Variants in ADH1B observed in about 807,000 individuals in gnomAD.
ADH1B encodes alcohol dehydrogenase 1B (class I), beta polypeptide.
ADH1B carries 29 observed loss-of-function variants against 34.6 expected under a neutral mutation model. The ratio of observed to expected loss-of-function variants is 0.84; its 90% confidence interval spans 0.62 to 1.14. The LOEUF (loss-of-function observed/expected upper bound fraction) is 1.14, where lower values mean the gene tolerates loss of function less well. Among genes scored for constraint, ADH1B ranks in the 50% most tolerant of loss-of-function variants. ADH1B has a pLI of 0.00. For synonymous variants in ADH1B, 170 were observed against 175.5 expected (o/e 0.97, Z 0.25); for missense variants, 424 against 468.4 (o/e 0.91, Z 0.87).
rs1579517595 is a variant in ADH1B at position 99,321,398 on chromosome 4, G to A, written c.-67C>T. 3.5e-6 allele frequency: 5 copies of A among 1,449,054 alleles called. No homozygotes were observed. The East Asian group carries it at 1.2e-4, about 33-fold the overall frequency. 89.8% of individuals were successfully genotyped at this position (1,449,054 alleles called of 1,614,324 possible). ...TTGTGGATTTCTTCTCTGCTTGAGT[G>A]CATAAAGCAGATATATTGCACAGAT... On this transcript the variant is annotated 5_prime_UTR_variant, in exon 1 of 9. Transcript: ENST00000305046.
chr4:99,312,828 T>A (rs1733785968), intron 6 of ADH1B, among the ~76,000 whole-genome samples: 1 of 151,764 alleles, frequency 6.6e-6, no homozygotes, highest in African/African-American at 2.4e-5. Context: ...ACTTCAGCCT[T>A]GGTGACAGAG....
Position 99,307,686 on chromosome 4 carries a change from C to A in ADH1B, c.*154G>T. The A allele has an allele frequency of 1.1e-6, 1 of 907,300 alleles. No individual in the cohort carries two copies. The highest frequency in any genetic ancestry group is 1.7e-6 in the Non-Finnish European group (1 of 589,952). The allele number at this position is 907,300 out of a possible 1,614,324, so 56.2% of individuals were successfully genotyped here. A position where few individuals can be genotyped will look rare whatever the true frequency, so the allele number is the denominator to read the frequency against. On this transcript the variant is annotated 3_prime_UTR_variant, in exon 9 of 9. Coordinates refer to ENST00000305046, the MANE Select transcript of ADH1B (RefSeq NM_000668.6). ...TTTAAATTTTCCTGAAAAATAATTT[C>A]CCATCAATTTCCATTTCTTTGGAAA...
intron 7 of ADH1B, 119 bp from the exon 8 acceptor site, chr4:99,311,022 G>A: frequency 8.1e-7 from 1 of 1,228,332 alleles, no homozygotes; most frequent in Non-Finnish European, 1.2e-6. Context: ...TGCTATAACT[G>A]AGGATAAGAA....
intron 6 of ADH1B, 78 bp downstream of exon 6, chr4:99,313,743 T>G (rs780464594): frequency 1.8e-4 from 292 of 1,610,382 alleles, no homozygotes; most frequent in Non-Finnish European, 2.4e-4. Context: ...CCTTTATACA[T>G]AAAACATATA....
At chr4:99,315,121 T>G (rs959786918) in intron 5 of ADH1B, 3 of 152,158 alleles carry the variant, frequency 2.0e-5, no homozygotes, top group Non-Finnish European at 2.9e-5. Flanking sequence ...CAGCAGGAGA[T>G]TTGAAAAAGA....
chr4:99,307,677 A>G lies in ADH1B; in HGVS notation c.*163T>C, dbSNP rs1393559455. ...CACTTGAATTTTAAATTTTCCTGAA[A>G]AATAATTTCCCATCAATTTCCATTT... On this transcript the variant is annotated 3_prime_UTR_variant, in exon 9 of 9. Transcript: ENST00000305046. 1.1e-6 allele frequency: 1 copy of G among 891,478 alleles called. No homozygotes were observed. The highest frequency in any genetic ancestry group is 1.7e-6 in the Non-Finnish European group (1 of 577,634). 55.2% of individuals were successfully genotyped at this position (891,478 alleles called of 1,614,324 possible).
intron 7 of ADH1B, 38 bp from the exon 8 acceptor site, chr4:99,310,941 G>C (rs1398477511): frequency 1.3e-6 from 2 of 1,596,260 alleles, no homozygotes; most frequent in Non-Finnish European, 1.7e-6. Context: ...ATTCAGCTAG[G>C]GTAAGTAGGA....
At chr4:99,307,940 C>A in intron 8 of ADH1B, 76 bp from the exon 9 acceptor site, 2 of 1,585,080 alleles carry the variant, frequency 1.3e-6, no homozygotes, top group Non-Finnish European at 1.7e-6. Flanking sequence ...CAAGGAGCAT[C>A]TGAGGTGTCT....
chr4:99,311,638 A>C lies in ADH1B; in HGVS notation c.847T>G (p.Cys283Gly), dbSNP rs1203694941. ...ACGCTTGTGCCACATGCCTCATGAC[A>C]ACATAACAGGGAAGCCATCTGGAAT... ...LDTMMASLLCCHEACGTSVIV... is the reference protein window; with the variant it reads ...LDTMMASLLCGHEACGTSVIV... Residue 283 changes from cysteine (C) to glycine (G), a missense_variant, in exon 7 of 9, where the codon TGT becomes GGT. Cys to Gly is a radical substitution (Grantham distance 159). Coordinates refer to ENST00000305046, the MANE Select transcript of ADH1B (RefSeq NM_000668.6). 2 of 1,613,782 alleles carry C rather than the reference A, an allele frequency of 1.2e-6. No individual in the cohort carries two copies. Among genetic ancestry groups the C allele is most frequent in the Non-Finnish European group, 1.7e-6 (2 of 1,179,810 alleles).
Position 99,307,820 on chromosome 4 carries a change from G to A in ADH1B, c.*20C>T, listed in dbSNP as rs1733649617. 2.5e-6 allele frequency: 4 copies of A among 1,613,210 alleles called. No individual in the cohort carries two copies. The South Asian group carries it at 4.4e-5, about 18-fold the overall frequency. On this transcript the variant is annotated 3_prime_UTR_variant, in exon 9 of 9. Transcript: ENST00000305046. ...TAGAGGAGGCTGAAGACTGCTACAG[G>A]GGAAGGCATCTCTATTGCCTCAAAA...
At chr4:99,312,083 T>C (rs1733768609) in intron 6 of ADH1B, among the ~76,000 whole-genome samples, 1 of 152,196 alleles carries the variant, frequency 6.6e-6, no homozygotes, top group Admixed American at 6.5e-5. Flanking sequence ...CCCAAATATA[T>C]ATTGATTTTA....
intron 1 of ADH1B, 46 bp downstream of exon 1, chr4:99,321,268 A>G (rs1734019638): frequency 2.0e-6 from 3 of 1,507,146 alleles, no homozygotes; most frequent in East Asian, 2.3e-5. Flanking sequence ...TTTCTTTGTT[A>G]TATTGATGAG....
intron 1 of ADH1B, chr4:99,320,556 A>G (rs559907923): frequency 5.6e-6 from 1 of 177,930 alleles, no homozygotes; most frequent in Admixed American, 5.7e-5. Context: ...ATGCACCTGT[A>G]AACACATTGA....
At chr4:99,319,320 A>G in intron 1 of ADH1B, 1 of 234,038 alleles carries the variant, frequency 4.3e-6, no homozygotes, top group Non-Finnish European at 8.5e-6. Context: ...TGCTTAGGCC[A>G]AAAGGATCTG....
In ADH1B at chr4:99,305,497, AATAC is replaced by A. The variant is rs1391756659; in HGVS notation, c.*2339_*2342del. On this transcript the variant is annotated 3_prime_UTR_variant, in exon 9 of 9. Transcript: ENST00000305046. ...ACCCAGCCAATACTTTCTACACTGG[AATAC>A]ATATATATATATATATATATATACA... The A allele has an allele frequency of 3.2e-4, 13 of 40,124 alleles. No individual in the cohort carries two copies. The highest frequency in any genetic ancestry group is 1.5e-3 in the African/African-American group (13 of 8,558). 2.5% of individuals were successfully genotyped at this position (40,124 alleles called of 1,614,324 possible). A position where few individuals can be genotyped will look rare whatever the true frequency, so the allele number is the denominator to read the frequency against.
In ADH1B at chr4:99,314,019, C is replaced by T. The variant is rs1733817755; in HGVS notation, c.630G>A (p.Met210Ile). 1 of 1,614,032 alleles carries T rather than the reference C, an allele frequency of 6.2e-7. No homozygotes were observed. The highest frequency in any genetic ancestry group is 1.7e-5 in the Admixed American group (1 of 59,988). ...TGGCTGCTCCAGCTGCTTTACAGCC[C>T]ATAACAGCAGATAGGCCGACCCCTC... ...GLGGVGLSAV[M>I]GCKAAGAARI... Residue 210 changes from methionine (M) to isoleucine (I), a missense_variant, in exon 6 of 9, where the codon ATG becomes ATA. Met to Ile is a conservative substitution (Grantham distance 10). This residue lies in a region of ADH1B where 291 missense variants were observed against 300.4 expected (regional missense o/e 0.97). Transcript: ENST00000305046.
At chr4:99,312,870 G>A (rs1200952005) in intron 6 of ADH1B, among the ~76,000 whole-genome samples, 1 of 151,660 alleles carries the variant, frequency 6.6e-6, no homozygotes, top group Non-Finnish European at 1.5e-5. Context: ...AGAAAAAAAA[G>A]TCAGCTGACA....
intron 1 of ADH1B, chr4:99,320,766 A>C: frequency 2.7e-5 from 30 of 1,112,804 alleles, no homozygotes; most frequent in Non-Finnish European, 3.3e-5. Context: ...TTTTAATCAG[A>C]ATTTGCATGT....
At chr4:99,310,615 G>T in intron 8 of ADH1B, 150 bp downstream of exon 8, 1 of 1,104,574 alleles carries the variant, frequency 9.1e-7, no homozygotes, top group Non-Finnish European at 1.3e-6. Context: ...CTCACAGTAT[G>T]ATCCTACATA....
Sources: gnomAD v4.1 joint callset for allele counts (sites outside exome capture counted in the v4.1 genomes callset) on GRCh38, gnomAD v4.1.1 for gene constraint, gnomAD v4.1.1 regional missense constraint, MANE v1.5 for transcripts, NCBI Gene and HGNC (gene_info 2026-07-23, HGNC 2026-07-21) for gene names.